The following COL12A1 variants were observed in gnomAD, a reference collection of about 807,000 sequenced individuals.
COL12A1 encodes the protein collagen type XII alpha 1 chain, also known as collagen alpha-1(XII) chain.
COL12A1 carries 114 observed loss-of-function variants against 349.7 expected under a neutral mutation model. The ratio of observed to expected loss-of-function variants is 0.33; its 90% CI spans 0.28 to 0.38. COL12A1 has a LOEUF of 0.38. Among genes scored for constraint, COL12A1 ranks in the 10% least tolerant of loss-of-function variants. The pLI, the probability that COL12A1 is intolerant of heterozygous loss-of-function variation, is 1.00. For synonymous variants in COL12A1, 1,369 were observed against 1,329.0 expected, an observed-to-expected ratio of 1.03 and a Z score of -0.66; for missense variants, 3,284 against 3,756.9, an observed-to-expected ratio of 0.87 and a Z score of 3.29.
chr6:75,194,787 T>A, intron 3 of COL12A1, 44 bp downstream of exon 3: 1 of 1,245,798 alleles, frequency 8.0e-7, no homozygotes, highest in East Asian at 2.4e-5. Flanking sequence ...TTGAGTTATA[T>A]CATCATGATG....
chr6:75,095,217 A>C, intron 59 of COL12A1, 38 bp from the exon 60 acceptor site: 1 of 1,523,768 alleles, frequency 6.6e-7, no homozygotes, highest in Non-Finnish European at 9.1e-7. Flanking sequence ...TGTTATGACA[A>C]AGGGAAAATC....
rs186323510 is a variant in COL12A1, at chr6:75,166,299, T to C, written c.2711-520A>G. Among the ~76,000 whole-genome samples the C allele has an allele frequency of 2.5e-4, 38 of 152,344 alleles. No homozygotes were observed. The East Asian group carries it at 6.2e-3, about 25-fold the overall frequency. The stretch of plus-strand genomic sequence containing the variant: ...AAAACTTAATGCCAACAACAGTTTA[T>C]TGGTGAAACTTTTATTTGCTCATGC... On this transcript the variant is annotated intron_variant, in intron 13 of 65. Transcript: ENST00000322507.
intron 11 of COL12A1, among the ~76,000 whole-genome samples, chr6:75,179,424 T>A (rs1411909447): frequency 2.0e-5 from 3 of 151,632 alleles, no homozygotes; most frequent in Non-Finnish European, 4.4e-5. Flanking sequence ...CATCAGAAAC[T>A]CAGAAATATC....
In COL12A1 at chr6:75,156,541, G is replaced by T. The variant is rs373187867; in HGVS notation, c.2984-18C>A. ...TTGAGATACTGGGAGATAAAAGGAA[G>T]ATTAAACTGTATACCATGTTGAAAA... On this transcript the variant is annotated intron_variant, in intron 14 of 65. Transcript: ENST00000322507. The T allele has an allele frequency of 1.2e-5, 20 of 1,611,240 alleles. No individual in the cohort carries two copies. The Admixed American group carries it at 2.7e-4, about 22-fold the overall frequency.
rs989203816 is a variant in COL12A1, at chr6:75,084,486, T to C, written c.*2061A>G. On this transcript the variant is annotated 3_prime_UTR_variant, in exon 66 of 66. Transcript: ENST00000322507. ...AACTACTTTTGATAACTAAGAAATA[T>C]TATATTCTGAAAAAAGTTCATACTA... 2 of 152,654 alleles carry C rather than the reference T, an allele frequency of 1.3e-5. No homozygotes were observed. Among genetic ancestry groups the C allele is most frequent in the Non-Finnish European group, 2.9e-5 (2 of 68,038 alleles). The allele number at this position is 152,654 out of a possible 1,614,324, so 9.5% of individuals were successfully genotyped here. A position where few individuals can be genotyped will look rare whatever the true frequency, so the allele number is the denominator to read the frequency against.
At chr6:75,193,297 A>C (rs535782098) in intron 3 of COL12A1, among the ~76,000 whole-genome samples, 1 of 152,280 alleles carries the variant, frequency 6.6e-6, no homozygotes, top group Admixed American at 6.5e-5. Flanking sequence ...TTTGGAATGA[A>C]TATGTTAACT....
chr6:75,139,641 A>G lies in COL12A1; in HGVS notation c.4958-680T>C, dbSNP rs138798028. Among the ~76,000 whole-genome samples, 93 of 152,346 alleles carry G rather than the reference A, an allele frequency of 6.1e-4. 1 individual carries two copies. Among genetic ancestry groups the G allele is most frequent in the African/African-American group, 2.1e-3 (88 of 41,582 alleles). On this transcript the variant is annotated intron_variant, in intron 27 of 65. Transcript: ENST00000322507. ...ACATACAGTGAATTCCAATCTAGGAATATTGCCACAGGAAAGGAACTCTGA... is the reference window on the plus strand; with the variant it reads ...ACATACAGTGAATTCCAATCTAGGAGTATTGCCACAGGAAAGGAACTCTGA...
intron 2 of COL12A1, among the ~76,000 whole-genome samples, chr6:75,199,271 C>T (rs1770402655): frequency 6.6e-6 from 1 of 152,122 alleles, no homozygotes; most frequent in Admixed American, 6.5e-5. Context: ...TTCAGCCTCT[C>T]TGGGCCTCAT....
chr6:75,155,490 T>G (rs1260939042), intron 16 of COL12A1, among the ~76,000 whole-genome samples, 172 bp downstream of exon 16: 4 of 152,176 alleles, frequency 2.6e-5, no homozygotes, highest in Non-Finnish European at 5.9e-5. Flanking sequence ...GAATCCTAAC[T>G]TCAACTCCAG....
intron 53 of COL12A1, 86 bp downstream of exon 53, chr6:75,106,333 G>A (rs1420709386): frequency 9.0e-7 from 1 of 1,111,762 alleles, no homozygotes; most frequent in Non-Finnish European, 1.4e-6. Flanking sequence ...ATACAACTGT[G>A]CAGTGCTACT....
Position 75,119,029 on chromosome 6 carries a change from A to T in COL12A1, c.7354+14T>A. The T allele has an allele frequency of 6.2e-7, 1 of 1,612,774 alleles. No homozygotes were observed. The highest frequency in any genetic ancestry group is 8.5e-7 in the Non-Finnish European group (1 of 1,179,474). On this transcript the variant is annotated intron_variant, in intron 46 of 65. Transcript: ENST00000322507. ...TAAAATTTCAAGTGCAATCAAATTC[A>T]TGTATGTGCTTGCCTGACTGCTGGA... is the stretch of plus-strand genomic sequence containing the variant.
rs765303217 is a variant in COL12A1, at chr6:75,154,545, G to A, written c.3444-8C>T. 2 of 1,606,260 alleles carry A rather than the reference G, an allele frequency of 1.2e-6. No individual in the cohort carries two copies. The highest frequency in any genetic ancestry group is 8.5e-7 in the Non-Finnish European group (1 of 1,175,502). On this transcript the variant is annotated splice_region_variant and splice_polypyrimidine_tract_variant and intron_variant, in intron 16 of 65. Transcript: ENST00000322507. ...TTATAGGTGGTACCAGCCCTAAAAT[G>A]TTAAAGTATATATATAGCCTGTGAG...
intron 21 of COL12A1, 59 bp downstream of exon 21, chr6:75,151,082 A>T: frequency 1.2e-6 from 1 of 823,284 alleles, no homozygotes; most frequent in Non-Finnish European, 1.7e-6. Context: ...CCAAAAGAAT[A>T]ATTATTTGGC....
intron 5 of COL12A1, among the ~76,000 whole-genome samples, chr6:75,190,821 G>A (rs1769888506): frequency 1.3e-5 from 2 of 151,830 alleles, no homozygotes; most frequent in African/African-American, 4.8e-5. Flanking sequence ...TATTTAATAG[G>A]TGAATTTAAG....
At chr6:75,092,208 T>G (rs1245977792) in intron 60 of COL12A1, among the ~76,000 whole-genome samples, 1 of 151,962 alleles carries the variant, frequency 6.6e-6, no homozygotes, top group African/African-American at 2.4e-5. Context: ...GGTCAGGGGC[T>G]AGGGGAGGGA....
intron 56 of COL12A1, 89 bp from the exon 57 acceptor site, chr6:75,102,141 CA>C: frequency 7.9e-7 from 1 of 1,262,802 alleles, no homozygotes. Context: ...AAATCTTCAT[CA>C]CTTCATAAAT....
At chr6:75,125,385 A>G in intron 39 of COL12A1, 112 bp from the exon 40 acceptor site, 1 of 1,000,014 alleles carries the variant, frequency 1.0e-6, no homozygotes, top group Non-Finnish European at 1.4e-6. Context: ...TTAATTCCAT[A>G]GTCCTCATAC....
chr6:75,177,042 C>T lies in COL12A1; in HGVS notation c.2437+621G>A, dbSNP rs183647317. 8.5e-5 allele frequency among the ~76,000 whole-genome samples: 13 copies of T among 152,270 alleles called. 1 individual carries two copies. In the East Asian group the frequency reaches 2.5e-3, roughly 29 times the overall value. ...TACAATTTATTTCAATGGTGCATAGCAGTTTGATTTTTAATTCTTAGTCAT... is the reference window on the plus strand; with the variant it reads ...TACAATTTATTTCAATGGTGCATAGTAGTTTGATTTTTAATTCTTAGTCAT... On this transcript the variant is annotated intron_variant, in intron 12 of 65. Coordinates refer to ENST00000322507, the MANE Select transcript of COL12A1 (RefSeq NM_004370.6).
At chr6:75,147,065 G>A (rs953386792) in intron 23 of COL12A1, among the ~76,000 whole-genome samples, 2 of 152,168 alleles carry the variant, frequency 1.3e-5, no homozygotes, top group African/African-American at 2.4e-5. Context: ...CCAGGAATAG[G>A]AGCAAGGAAC....
Sources: gnomAD v4.1 joint callset for allele counts (sites outside exome capture counted in the v4.1 genomes callset) on GRCh38, gnomAD v4.1.1 for gene constraint, MANE v1.5 for transcripts, NCBI Gene and HGNC (gene_info 2026-07-23, HGNC 2026-07-21) for gene names.